The following DCC variants were observed in gnomAD, a reference collection of about 807,000 sequenced individuals.
DCC encodes DCC netrin 1 receptor.
DCC carries 58 observed loss-of-function variants against 172.5 expected under a neutral mutation model. The ratio of observed to expected loss-of-function variants is 0.34; its 90% CI spans 0.27 to 0.42. DCC has a LOEUF of 0.42. Among genes scored for constraint, DCC ranks in the 10% least tolerant of loss-of-function variants. DCC has a pLI of 1.00. For missense variants in DCC, 1,740 were observed against 1,791.0 expected (o/e 0.97, Z 0.51); for synonymous variants, 709 against 644.5 (o/e 1.10, Z -1.52).
At chr18:52,525,154 A>G (rs1246697848) in intron 1 of DCC, among the ~76,000 whole-genome samples, 1 of 150,976 alleles carries the variant, frequency 6.6e-6, no homozygotes, top group East Asian at 2.0e-4. Context: ...ATTTCCATCC[A>G]CTCTGAAATA....
At chr18:52,724,022 G>A (rs771198112) in intron 1 of DCC, among the ~76,000 whole-genome samples, 1 of 152,202 alleles carries the variant, frequency 6.6e-6, no homozygotes, top group South Asian at 2.1e-4. Flanking sequence ...AGTATCCTGA[G>A]AAGAGGCAGA....
chr18:53,320,654 T>C (rs377006701), intron 13 of DCC, among the ~76,000 whole-genome samples: 9 of 152,330 alleles, frequency 5.9e-5, no homozygotes, highest in African/African-American at 2.2e-4. Flanking sequence ...AGCATCTCTT[T>C]GCCATCTTGT....
chr18:53,115,391 T>A (rs1488229492), intron 7 of DCC, among the ~76,000 whole-genome samples: 1 of 151,554 alleles, frequency 6.6e-6, no homozygotes, highest in Admixed American at 6.6e-5. Context: ...CCTAGCATAT[T>A]AAAGTTGGGG....
rs574714921 is a variant in DCC, at chr18:53,044,247, A to AAGATAGTC, written c.986-19057_986-19050dup. ...TTTGCTTGATGTATAAAGCAAAGGCAAGATAGTCTCTTTTTTGGTTTGGAA... is the reference window on the plus strand; with the variant it reads ...TTTGCTTGATGTATAAAGCAAAGGCAAGATAGTCAGATAGTCTCTTTTTTGGTTTGGAA... On this transcript the variant is annotated intron_variant, in intron 5 of 28. Coordinates refer to ENST00000442544, the MANE Select transcript of DCC (RefSeq NM_005215.4). Among the ~76,000 whole-genome samples the AAGATAGTC allele has an allele frequency of 6.1e-3, 920 of 151,992 alleles. 7 individuals are homozygous for AAGATAGTC. Among genetic ancestry groups the AAGATAGTC allele is most frequent in the Non-Finnish European group, 8.6e-3 (585 of 67,902 alleles).
At chr18:53,244,429 C>T (rs1016624756) in intron 12 of DCC, among the ~76,000 whole-genome samples, 44 of 152,208 alleles carry the variant, frequency 2.9e-4, no homozygotes, top group African/African-American at 9.4e-4. Flanking sequence ...AACATACCAC[C>T]TTAAAACTTA....
intron 12 of DCC, among the ~76,000 whole-genome samples, chr18:53,235,445 A>C (rs1371866009): frequency 1.3e-5 from 2 of 152,180 alleles, no homozygotes; most frequent in Non-Finnish European, 2.9e-5. Context: ...AAAATAAGTC[A>C]CTATTTCTTT....
rs539545588 is a variant in DCC, at chr18:52,961,771, T to C, written c.985+36401T>C. Among the ~76,000 whole-genome samples the C allele has an allele frequency of 5.1e-4, 77 of 152,246 alleles. No homozygotes were observed. In the South Asian group the frequency reaches 0.016, roughly 31 times the overall value. ...GTACCAGAACACAGATATAGATCAA[T>C]GGAACAGAACAGAGCCCTCAGAAAT... On this transcript the variant is annotated intron_variant, in intron 5 of 28. Transcript: ENST00000442544.
At chr18:52,957,375 G>A (rs1172403352) in intron 5 of DCC, among the ~76,000 whole-genome samples, 6 of 151,918 alleles carry the variant, frequency 3.9e-5, no homozygotes, top group Non-Finnish European at 5.9e-5. Flanking sequence ...TAGAGCAATC[G>A]ATATTTCAAA....
chr18:52,606,180 C>T (rs1481034129), intron 1 of DCC, among the ~76,000 whole-genome samples: 1 of 152,068 alleles, frequency 6.6e-6, no homozygotes, highest in African/African-American at 2.4e-5. Flanking sequence ...ATAGTTAGCT[C>T]TGTTCCCCAG....
intron 2 of DCC, among the ~76,000 whole-genome samples, chr18:52,773,386 C>A (rs1025332914): frequency 6.6e-6 from 1 of 152,180 alleles, no homozygotes; most frequent in African/African-American, 2.4e-5. Context: ...ACTATGAGTT[C>A]TATTTCAAGA....
chr18:52,812,212 C>T (rs547270490), intron 2 of DCC, among the ~76,000 whole-genome samples: 1 of 152,300 alleles, frequency 6.6e-6, no homozygotes, highest in African/African-American at 2.4e-5. Context: ...TAATTCACCT[C>T]AGCTACCCTT....
intron 2 of DCC, among the ~76,000 whole-genome samples, chr18:52,794,046 G>C (rs776070651): frequency 6.6e-6 from 1 of 151,948 alleles, no homozygotes; most frequent in Non-Finnish European, 1.5e-5. Context: ...ATACTGTTTT[G>C]GTTATTATAG....
At chr18:52,783,514 T>C (rs567381158) in intron 2 of DCC, among the ~76,000 whole-genome samples, 3 of 151,832 alleles carry the variant, frequency 2.0e-5, no homozygotes, top group East Asian at 1.9e-4. Flanking sequence ...GTTATGTCCA[T>C]GATGTTGATA....
At chr18:52,537,198 A>T (rs1410875713) in intron 1 of DCC, among the ~76,000 whole-genome samples, 1 of 152,208 alleles carries the variant, frequency 6.6e-6, no homozygotes, top group Non-Finnish European at 1.5e-5. Context: ...AACTGAAAAC[A>T]ATAAGTTGCT....
At chr18:53,122,331 C>A (rs1229885173) in intron 7 of DCC, among the ~76,000 whole-genome samples, 1 of 151,876 alleles carries the variant, frequency 6.6e-6, no homozygotes, top group Admixed American at 6.6e-5. Context: ...ATTGGCTTTT[C>A]TTTTCTTATG....
At chr18:53,297,548 GTCATGTGTTAAGTACTT>G (rs1442480685) in intron 12 of DCC, among the ~76,000 whole-genome samples, 1 of 152,100 alleles carries the variant, frequency 6.6e-6, no homozygotes, top group Admixed American at 6.6e-5. Context: ...AAAGTCAAAG[GTCATGTGTTAAGTACTT>G]TTAATAAAAA....
At chr18:53,098,867 C>A (rs917297933) in intron 7 of DCC, among the ~76,000 whole-genome samples, 6 of 152,116 alleles carry the variant, frequency 3.9e-5, no homozygotes, top group Admixed American at 3.3e-4. Context: ...AAAATAAGCC[C>A]AGCTGTGGTG....
intron 1 of DCC, among the ~76,000 whole-genome samples, chr18:52,572,612 G>GT (rs2033325374): frequency 1.3e-5 from 2 of 152,168 alleles, no homozygotes; most frequent in Admixed American, 6.5e-5. Flanking sequence ...CTTTGAAGGC[G>GT]TGCTAAGGGG....
At chr18:52,831,225 G>A (rs140704992) in intron 2 of DCC, among the ~76,000 whole-genome samples, 33 of 152,256 alleles carry the variant, frequency 2.2e-4, no homozygotes, top group African/African-American at 6.7e-4. Context: ...AGTATGTCTA[G>A]AGTGAAGTGA....
Sources: gnomAD v4.1 joint callset for allele counts (sites outside exome capture counted in the v4.1 genomes callset) on GRCh38, gnomAD v4.1.1 for gene constraint, MANE v1.5 for transcripts, NCBI Gene and HGNC (gene_info 2026-07-23, HGNC 2026-07-21) for gene names.